Variants in SLC36A1 observed in about 807,000 individuals in gnomAD.
SLC36A1 encodes the protein solute carrier family 36 member 1, also known as proton-coupled amino acid transporter 1.
SLC36A1 carries 30 observed loss-of-function variants against 47.5 expected under a neutral mutation model. That is an observed-to-expected ratio of 0.63 (90% CI 0.47 to 0.86). The LOEUF is 0.86. SLC36A1 is among the 40% of genes least tolerant of loss of function. SLC36A1 has a pLI of 0.00. For missense variants in SLC36A1, 517 were observed against 606.0 expected (o/e 0.85, Z 1.54); for synonymous variants, 255 against 249.7 (o/e 1.02, Z -0.20).
the SLC36A1 span, among the ~76,000 whole-genome samples, chr5:151,531,401 A>G: frequency 6.6e-6 from 1 of 152,204 alleles, no homozygotes; most frequent in Admixed American, 6.5e-5. This position sits in a 1 kb window ranked among gnomAD's most constrained non-coding sequence, Gnocchi z 5.7. Context: ...GCTCCCACAT[A>G]AGCTGGCCCC....
At chr5:151,556,085 T>TCC in the SLC36A1 span, among the ~76,000 whole-genome samples, 3 of 152,116 alleles carry the variant, frequency 2.0e-5, no homozygotes, top group East Asian at 3.8e-4. Flanking sequence ...CATGTACTGC[T>TCC]CCCCTCTCCT....
chr5:151,413,452 T>G, the SLC36A1 span, among the ~76,000 whole-genome samples: 1 of 152,044 alleles, frequency 6.6e-6, no homozygotes, highest in African/African-American at 2.4e-5. Context: ...ATATTAAGCA[T>G]GGAAAAAAAC....
chr5:151,445,566 T>C (rs907281144), upstream of SLC36A1, among the ~76,000 whole-genome samples: 1 of 152,264 alleles, frequency 6.6e-6, no homozygotes, highest in Non-Finnish European at 1.5e-5. Context: ...CTTCTTTGAA[T>C]GTTTGGTAGA....
intron 1 of SLC36A1, among the ~76,000 whole-genome samples, chr5:151,439,883 C>A (rs1752520601): frequency 6.6e-6 from 1 of 152,124 alleles, no homozygotes; most frequent in South Asian, 2.1e-4. Context: ...GGTGTTTGGT[C>A]TTCTTTATAG....
chr5:151,539,529 G>C, the SLC36A1 span, among the ~76,000 whole-genome samples: 1 of 152,160 alleles, frequency 6.6e-6, no homozygotes, highest in East Asian at 1.9e-4. Context: ...TGTGTGTATA[G>C]GGTTGTAGAT....
chr5:151,543,270 A>T, the SLC36A1 span: 1 of 1,614,234 alleles, frequency 6.2e-7, no homozygotes, highest in African/African-American at 1.3e-5. Context: ...AGTAGGTGAC[A>T]TCTGCGTTCT....
Position 151,488,460 on chromosome 5 carries a change from T to C in SLC36A1, c.*206T>C. 1 of 630,204 alleles carries C rather than the reference T, an allele frequency of 1.6e-6. No individual in the cohort carries two copies. Among genetic ancestry groups the C allele is most frequent in the South Asian group, 2.0e-5 (1 of 49,758 alleles). 39.0% of individuals were successfully genotyped at this position (630,204 alleles called of 1,614,324 possible). On this transcript the variant is annotated 3_prime_UTR_variant, in exon 11 of 11. Coordinates refer to ENST00000243389, the MANE Select transcript of SLC36A1 (RefSeq NM_078483.4). ...GGCAGACACGCAGAAGTGCTACTAG[T>C]GACAGGGCTGCCATCGCTCACCTGT...
chr5:151,357,978 G>A, the SLC36A1 span, among the ~76,000 whole-genome samples: 1 of 152,302 alleles, frequency 6.6e-6, no homozygotes, highest in Middle Eastern at 3.4e-3. Context: ...GCTCCAGGCT[G>A]CATTGTGGTC....
chr5:151,535,235 C>G, the SLC36A1 span, among the ~76,000 whole-genome samples: 3 of 151,960 alleles, frequency 2.0e-5, no homozygotes, highest in Admixed American at 2.0e-4. Flanking sequence ...GTTACACACT[C>G]TTTTGTTATA....
At chr5:151,353,823 C>T in the SLC36A1 span, among the ~76,000 whole-genome samples, 1 of 152,174 alleles carries the variant, frequency 6.6e-6, no homozygotes, top group African/African-American at 2.4e-5. Flanking sequence ...CAGACCGTAG[C>T]CTTACAGATT....
Position 151,465,068 on chromosome 5 carries a change from T to C in SLC36A1, c.324-6T>C. The C allele has an allele frequency of 6.2e-7, 1 of 1,610,924 alleles. No individual in the cohort carries two copies. Among genetic ancestry groups the C allele is most frequent in the Non-Finnish European group, 8.5e-7 (1 of 1,176,992 alleles). On this transcript the variant is annotated splice_region_variant and splice_polypyrimidine_tract_variant and intron_variant, in intron 4 of 10. Coordinates refer to ENST00000243389, the MANE Select transcript of SLC36A1 (RefSeq NM_078483.4). Reference sequence around the variant, plus strand: ...CTGTCCTTCCTCTTCCCTCCTACTCTTCCAGGCTGAATAAATCCTTTGTGG... The same window carrying C: ...CTGTCCTTCCTCTTCCCTCCTACTCCTCCAGGCTGAATAAATCCTTTGTGG...
chr5:151,416,849 C>T, the SLC36A1 span, among the ~76,000 whole-genome samples: 3 of 152,202 alleles, frequency 2.0e-5, no homozygotes. Flanking sequence ...AGACCAGGTG[C>T]AGGTAATTGA....
the SLC36A1 span, among the ~76,000 whole-genome samples, chr5:151,416,589 A>T: frequency 1.3e-5 from 2 of 152,164 alleles, no homozygotes; most frequent in Non-Finnish European, 2.9e-5. Flanking sequence ...CCACCTAATA[A>T]CTAAAGACTA....
At chr5:151,492,460 G>A (rs775405449), downstream of SLC36A1, 7 of 148,724 alleles carry the variant, frequency 4.7e-5, no homozygotes, top group Non-Finnish European at 8.9e-5. Flanking sequence ...AAATGTTTCC[G>A]GCTTATGCCA....
At position 151,488,159 on chromosome 5, in the gene SLC36A1, G is replaced by A. The variant is rs200345930; in HGVS notation, c.1336G>A (p.Val446Met). Residue 446 changes from valine (V) to methionine (M), a missense_variant, in exon 11 of 11, where the codon GTG (valine) becomes ATG (methionine). Transcript: ENST00000243389. ...KDALISILGF[V>M]GFVVGTYEAL... is the part of the protein sequence containing the mutation. ...CGCCCTGATCAGCATCCTGGGCTTC[G>A]TGGGCTTTGTGGTGGGGACCTATGA... 8.1e-6 allele frequency: 13 copies of A among 1,614,112 alleles called. No individual in the cohort carries two copies. The highest frequency in any genetic ancestry group is 1.1e-5 in the South Asian group (1 of 91,078).
chr5:151,526,539 A>G, the SLC36A1 span, among the ~76,000 whole-genome samples: 1 of 152,338 alleles, frequency 6.6e-6, no homozygotes, highest in Non-Finnish European at 1.5e-5. Context: ...AGCATCACAA[A>G]CAGAATCTAA....
chr5:151,356,345 A>AAAAAAAAAAAAAAAAG, the SLC36A1 span, among the ~76,000 whole-genome samples: 1 of 145,614 alleles, frequency 6.9e-6, no homozygotes. Context: ...CTCACAAAAA[A>AAAAAAAAAAAAAAAAG]AAAAAAAAAA....
chr5:151,544,237 G>A, the SLC36A1 span: 4 of 1,614,200 alleles, frequency 2.5e-6, no homozygotes, highest in Non-Finnish European at 2.5e-6. Flanking sequence ...GTCCTGGTCA[G>A]AAGCCAACAG....
chr5:151,359,337 G>T, the SLC36A1 span, among the ~76,000 whole-genome samples: 1,254 of 152,216 alleles, frequency 8.2e-3, 21 homozygotes, highest in African/African-American at 0.028. Flanking sequence ...ACATCGAATT[G>T]CAAGAAAAAC....
Sources: gnomAD v4.1 joint callset for allele counts (sites outside exome capture counted in the v4.1 genomes callset) on GRCh38, gnomAD v4.1.1 for gene constraint, Gnocchi (gnomAD v3.1) non-coding constraint, MANE v1.5 for transcripts, NCBI Gene and HGNC (gene_info 2026-07-23, HGNC 2026-07-21) for gene names.